XNDC1N: variants seen among roughly 807,000 people sequenced by gnomAD.
The protein encoded by XNDC1N is protein XNDC1N.
At chr11:71,912,633 T>A in the XNDC1N span, among the ~76,000 whole-genome samples, 1 of 152,136 alleles carries the variant, frequency 6.6e-6, no homozygotes, top group Admixed American at 6.5e-5. Flanking sequence ...TGGAGTAATA[T>A]TATCCTCTCC....
the XNDC1N span, chr11:71,884,323 T>G: frequency 7.3e-7 from 1 of 1,373,020 alleles, no homozygotes; most frequent in African/African-American, 1.5e-5. Flanking sequence ...TGTAATGCTT[T>G]TAATTTATTA....
At chr11:71,923,778 A>G in the XNDC1N span, among the ~76,000 whole-genome samples, 38 of 152,068 alleles carry the variant, frequency 2.5e-4, no homozygotes, top group Admixed American at 2.5e-3. Flanking sequence ...GATGGTCTCA[A>G]TCTCCTGACC....
chr11:71,918,422 C>T, the XNDC1N span, among the ~76,000 whole-genome samples: 4 of 152,114 alleles, frequency 2.6e-5, no homozygotes, highest in Non-Finnish European at 1.5e-5. Context: ...ACTGGGACTA[C>T]AGGTGTGCGC....
the XNDC1N span, chr11:71,923,245 A>C: frequency 1.4e-6 from 1 of 700,290 alleles, no homozygotes. Flanking sequence ...TGGAGCCAAG[A>C]CTCCTATTTT....
At chr11:71,926,107 G>GAA in the XNDC1N span, 2 of 138,824 alleles carry the variant, frequency 1.4e-5, no homozygotes, top group African/African-American at 2.6e-5. Context: ...TCCCATCTCT[G>GAA]AAAAAAAAAA....
chr11:71,896,309 G>A, the XNDC1N span, among the ~76,000 whole-genome samples: 4 of 152,214 alleles, frequency 2.6e-5, no homozygotes, highest in Non-Finnish European at 5.9e-5. Context: ...TCTCAAGAAG[G>A]TGGAAAGTAT....
the XNDC1N span, among the ~76,000 whole-genome samples, chr11:71,885,911 TATTA>T: frequency 3.3e-5 from 5 of 151,706 alleles, no homozygotes; most frequent in Non-Finnish European, 4.4e-5. Flanking sequence ...AACTATTTAA[TATTA>T]ATTATCATTA....
chr11:71,888,396 G>A, the XNDC1N span, among the ~76,000 whole-genome samples: 6 of 152,260 alleles, frequency 3.9e-5, no homozygotes, highest in African/African-American at 9.6e-5. Context: ...CTTTGTATGC[G>A]GTCACCAAGG....
the XNDC1N span, among the ~76,000 whole-genome samples, chr11:71,876,264 C>T: frequency 6.6e-6 from 1 of 152,116 alleles, no homozygotes; most frequent in Admixed American, 6.5e-5. Flanking sequence ...TACCTTCATT[C>T]TTCTTCTACT....
the XNDC1N span, among the ~76,000 whole-genome samples, chr11:71,900,463 G>T: frequency 2.6e-5 from 4 of 151,986 alleles, no homozygotes; most frequent in African/African-American, 7.3e-5. Context: ...TGGACAGATG[G>T]GAGGAGACCA....
chr11:71,916,057 T>TC, the XNDC1N span: 4 of 696,018 alleles, frequency 5.7e-6, no homozygotes, highest in Non-Finnish European at 1.0e-5. Flanking sequence ...AAATCCTCAC[T>TC]CCATCATCAT....
the XNDC1N span, chr11:71,903,663 T>TC: frequency 2.0e-4 from 79 of 397,350 alleles, 1 homozygote; most frequent in African/African-American, 1.6e-3. Flanking sequence ...TTTTTTTTTT[T>TC]CCCTCAGTCT....
At chr11:71,893,551 C>T in the XNDC1N span, 2 of 906,720 alleles carry the variant, frequency 2.2e-6, no homozygotes, top group Non-Finnish European at 3.7e-6. Context: ...CCTCGCTTTG[C>T]TGTCCCTGTC....
the XNDC1N span, among the ~76,000 whole-genome samples, chr11:71,890,002 G>C: frequency 4.5e-3 from 684 of 152,256 alleles, 1 homozygote; most frequent in African/African-American, 0.016. Context: ...ACAGAAGACG[G>C]CAAAGGTATT....
chr11:71,898,480 G>T, the XNDC1N span, among the ~76,000 whole-genome samples: 1 of 151,978 alleles, frequency 6.6e-6, no homozygotes, highest in African/African-American at 2.4e-5. Context: ...GATAGCGCAC[G>T]CCTGTAATCC....
At chr11:71,908,386 G>A in the XNDC1N span, among the ~76,000 whole-genome samples, 1 of 151,076 alleles carries the variant, frequency 6.6e-6, no homozygotes, top group Admixed American at 6.6e-5. Flanking sequence ...TATTATTATC[G>A]GTATTGATTT....
At chr11:71,904,880 T>C in the XNDC1N span, among the ~76,000 whole-genome samples, 1 of 152,050 alleles carries the variant, frequency 6.6e-6, no homozygotes, top group Admixed American at 6.5e-5. Context: ...ATACACATGA[T>C]ATACACCCTG....
the XNDC1N span, among the ~76,000 whole-genome samples, chr11:71,896,310 T>G: frequency 3.3e-5 from 5 of 151,634 alleles, no homozygotes; most frequent in African/African-American, 1.2e-4. Context: ...CTCAAGAAGG[T>G]GGAAAGTATA....
chr11:71,925,863 G>C, the XNDC1N span: 1 of 152,002 alleles, frequency 6.6e-6, no homozygotes, highest in African/African-American at 2.4e-5. Flanking sequence ...CTGGGCAACA[G>C]AGCAAGACTC....
Sources: allele counts gnomAD v4.1 joint callset (sites outside exome capture counted in the v4.1 genomes callset), GRCh38; gene constraint gnomAD v4.1.1; transcripts MANE v1.5; gene names NCBI Gene and HGNC (gene_info 2026-07-23, HGNC 2026-07-21).